Variants in ADAM12 observed in about 807,000 individuals in gnomAD.
The protein encoded by ADAM12 is ADAM metallopeptidase domain 12, also known as disintegrin and metalloproteinase domain-containing protein 12.
ADAM12 carries 70 observed loss-of-function variants against 106.4 expected under a neutral mutation model. That is an observed-to-expected ratio of 0.66 (90% CI 0.54 to 0.80). The LOEUF is 0.80. ADAM12 is among the 30% of genes least tolerant of loss of function. The pLI is 0.00. For missense variants in ADAM12, 1,010 were observed against 1,171.9 expected (o/e 0.86, Z 2.02); for synonymous variants, 420 against 433.5 (o/e 0.97, Z 0.39).
intron 3 of ADAM12, among the ~76,000 whole-genome samples, chr10:126,194,278 C>CAAAAAAA (rs35778124): frequency 1.7e-5 from 1 of 58,064 alleles, no homozygotes. Flanking sequence ...TTCATATGCT[C>CAAAAAAA]AAAAAAAAAA....
chr10:126,024,821 G>T (rs1037834356), intron 21 of ADAM12, among the ~76,000 whole-genome samples: 1 of 150,478 alleles, frequency 6.6e-6, no homozygotes, highest in South Asian at 2.1e-4. Context: ...AAATGGGATT[G>T]ATTCAGGAAA....
intron 21 of ADAM12, among the ~76,000 whole-genome samples, chr10:126,028,295 C>T (rs1953913921): frequency 6.6e-6 from 1 of 152,124 alleles, no homozygotes; most frequent in Admixed American, 6.5e-5. Context: ...TATTGACATT[C>T]TTCACCAAAT....
intron 2 of ADAM12, among the ~76,000 whole-genome samples, chr10:126,316,090 T>G (rs1276708079): frequency 6.6e-6 from 1 of 152,190 alleles, no homozygotes; most frequent in East Asian, 1.9e-4. Context: ...AAAGGAGATA[T>G]GATAGAATTT....
At position 126,014,162 on chromosome 10, in the gene ADAM12, T is replaced by A. The variant is rs2133364700; in HGVS notation, c.*3117A>T. 1 of 152,652 alleles carries A rather than the reference T, an allele frequency of 6.6e-6. No homozygotes were observed. Among genetic ancestry groups the A allele is most frequent in the East Asian group, 1.9e-4 (1 of 5,180 alleles). The allele number at this position is 152,652 out of a possible 1,614,324, so 9.5% of individuals were successfully genotyped here. ...CGCCACCTTGTGCCCTTTCTGCTGC[T>A]GGGGGTCTCATTGGCTCAGAGTGCT... On this transcript the variant is annotated 3_prime_UTR_variant, in exon 23 of 23. Transcript: ENST00000448723.
intron 10 of ADAM12, among the ~76,000 whole-genome samples, chr10:126,096,275 G>T (rs1182690652): frequency 6.6e-6 from 1 of 152,342 alleles, no homozygotes; most frequent in Middle Eastern, 3.4e-3. Context: ...GTCATTGAAT[G>T]TCTTGGTTTT....
intron 22 of ADAM12, among the ~76,000 whole-genome samples, chr10:126,018,454 G>A (rs1349765886): frequency 2.0e-5 from 3 of 152,180 alleles, no homozygotes; most frequent in African/African-American, 7.2e-5. Context: ...ACATGGAAGA[G>A]ATGCAGGCAG....
chr10:126,052,232 G>C (rs1465115064), intron 14 of ADAM12, among the ~76,000 whole-genome samples: 1 of 152,164 alleles, frequency 6.6e-6, no homozygotes, highest in Non-Finnish European at 1.5e-5. Context: ...GATGTGGGGT[G>C]TGCTGCTGCA....
At chr10:126,135,441 G>A (rs1266387124) in intron 5 of ADAM12, 143 bp downstream of exon 5, 19 of 738,336 alleles carry the variant, frequency 2.6e-5, no homozygotes, top group Admixed American at 9.5e-5. Context: ...GAGGGCCTCC[G>A]TGTTCTCTTG....
intron 14 of ADAM12, among the ~76,000 whole-genome samples, chr10:126,060,010 T>G (rs944778347): frequency 1.3e-5 from 2 of 152,196 alleles, no homozygotes; most frequent in African/African-American, 4.8e-5. Flanking sequence ...AACATTTGTA[T>G]GTTTGAAATC....
At chr10:126,229,649 C>G (rs553926071) in intron 3 of ADAM12, among the ~76,000 whole-genome samples, 1 of 135,362 alleles carries the variant, frequency 7.4e-6, no homozygotes, top group Non-Finnish European at 1.6e-5. Context: ...TCTTCCCCCC[C>G]ACTGTCTCCC....
chr10:126,180,170 T>A (rs927701635), intron 3 of ADAM12, among the ~76,000 whole-genome samples: 6 of 152,318 alleles, frequency 3.9e-5, no homozygotes, highest in Middle Eastern at 3.4e-3. Flanking sequence ...CCCCAGGTAC[T>A]ATTAATATCC....
chr10:126,032,267 G>T (rs1953984601), intron 21 of ADAM12, among the ~76,000 whole-genome samples: 4 of 152,158 alleles, frequency 2.6e-5, no homozygotes, highest in Admixed American at 2.6e-4. Flanking sequence ...TTCAATTTGT[G>T]CTGCCAAACA....
intron 3 of ADAM12, among the ~76,000 whole-genome samples, chr10:126,173,696 T>C (rs1957161836): frequency 1.3e-5 from 2 of 152,102 alleles, no homozygotes; most frequent in Admixed American, 6.5e-5. Flanking sequence ...AAAATCACAA[T>C]GCTAATTCAG....
At chr10:126,182,520 G>A (rs916684179) in intron 3 of ADAM12, among the ~76,000 whole-genome samples, 5 of 152,146 alleles carry the variant, frequency 3.3e-5, no homozygotes, top group African/African-American at 7.2e-5. Context: ...GACAAAAGAC[G>A]TAAAAGCATG....
chr10:126,305,251 A>G (rs1012707001), intron 2 of ADAM12, among the ~76,000 whole-genome samples: 2 of 152,134 alleles, frequency 1.3e-5, no homozygotes, highest in Non-Finnish European at 2.9e-5. Context: ...AGCAAACTGC[A>G]GAATATCCAA....
At chr10:126,110,292 T>A (rs1955846793) in intron 6 of ADAM12, among the ~76,000 whole-genome samples, 1 of 152,078 alleles carries the variant, frequency 6.6e-6, no homozygotes, top group African/African-American at 2.4e-5. Context: ...CCCTTTGTCT[T>A]TATGGTCCAA....
In ADAM12 at chr10:126,015,891, T is replaced by A. The variant is rs2133367295; in HGVS notation, c.*1388A>T. ...CATGCCATTAGTCACTTTAAAGACC[T>A]TGTGAAACATGGCTCCCTAGTCAGG... On this transcript the variant is annotated 3_prime_UTR_variant, in exon 23 of 23. Transcript: ENST00000448723. 1 of 152,336 alleles carries A rather than the reference T, an allele frequency of 6.6e-6. No individual in the cohort carries two copies. 9.4% of individuals were successfully genotyped at this position (152,336 alleles called of 1,614,324 possible).
chr10:126,041,857 G>A (rs1954179510), intron 18 of ADAM12: 1 of 1,290,594 alleles, frequency 7.7e-7, no homozygotes, highest in Non-Finnish European at 9.8e-7. Flanking sequence ...GCCTGCCAGA[G>A]TGGTAACCTG....
At chr10:126,273,693 T>A (rs1001535806) in intron 3 of ADAM12, among the ~76,000 whole-genome samples, 26 of 152,154 alleles carry the variant, frequency 1.7e-4, no homozygotes, top group Admixed American at 1.2e-3. Context: ...AGGTAAAGAG[T>A]AGGCATAACC....
Sources: allele counts gnomAD v4.1 joint callset (sites outside exome capture counted in the v4.1 genomes callset), GRCh38; gene constraint gnomAD v4.1.1; transcripts MANE v1.5; gene names NCBI Gene and HGNC (gene_info 2026-07-23, HGNC 2026-07-21).